Variants in MDFIC2 observed in about 807,000 individuals in gnomAD.
MDFIC2 encodes the protein myoD family inhibitor domain-containing protein 2.
chr3:70,219,076 ACCAAATAGTCATTATAGTCAAGGCTTT>A (rs1431833338), intron 2 of MDFIC2, among the ~76,000 whole-genome samples: 4 of 152,212 alleles, frequency 2.6e-5, no homozygotes, highest in African/African-American at 9.6e-5. Flanking sequence ...ATTTCTAAAC[ACCAAATAGTCATTATAGTCAAGGCTTT>A]CAAGTTTAAG....
intron 2 of MDFIC2, among the ~76,000 whole-genome samples, chr3:70,275,528 CA>C (rs905497542): frequency 1.3e-5 from 2 of 151,970 alleles, no homozygotes; most frequent in African/African-American, 4.8e-5. Flanking sequence ...AAAAATAAAA[CA>C]AAACAAATCA....
chr3:70,306,943 G>T (rs944627869), intron 2 of MDFIC2, among the ~76,000 whole-genome samples: 1 of 151,834 alleles, frequency 6.6e-6, no homozygotes, highest in Non-Finnish European at 1.5e-5. Context: ...CTTTGACTTT[G>T]CTCATACAAA....
chr3:70,293,702 T>A (rs1282832899), intron 2 of MDFIC2, among the ~76,000 whole-genome samples: 2 of 152,092 alleles, frequency 1.3e-5, no homozygotes, highest in African/African-American at 4.8e-5. Context: ...TCTATTTCAC[T>A]AGAAGTAACA....
chr3:70,248,839 G>A (rs1194718622), intron 2 of MDFIC2, among the ~76,000 whole-genome samples: 1 of 152,036 alleles, frequency 6.6e-6, no homozygotes, highest in Non-Finnish European at 1.5e-5. Flanking sequence ...TGCCAGTGGT[G>A]GCCTACATGA....
intron 2 of MDFIC2, among the ~76,000 whole-genome samples, chr3:70,241,152 A>G (rs1214997706): frequency 3.3e-5 from 5 of 152,148 alleles, no homozygotes; most frequent in Admixed American, 1.3e-4. Context: ...TAAATTTATC[A>G]GTTCCTGGGA....
At chr3:70,224,939 C>G (rs1701489854) in intron 2 of MDFIC2, among the ~76,000 whole-genome samples, 1 of 152,058 alleles carries the variant, frequency 6.6e-6, no homozygotes, top group South Asian at 2.1e-4. Flanking sequence ...GAAACAGATT[C>G]ATTAGTTTTG....
In MDFIC2 at chr3:70,299,360, G is replaced by A. The variant is rs563147376; in HGVS notation, c.88+12526C>T. 2.0e-5 allele frequency among the ~76,000 whole-genome samples: 3 copies of A among 151,816 alleles called. 1 individual carries two copies. In the South Asian group the frequency reaches 6.2e-4, roughly 32 times the overall value. On this transcript the variant is annotated intron_variant, in intron 2 of 3. Transcript: ENST00000567252. Reference sequence around the variant, plus strand: ...CACACAAATATAAAGCATATAAGATGTACAGTGGCTATCTATGCATGTGGG... The same window carrying A: ...CACACAAATATAAAGCATATAAGATATACAGTGGCTATCTATGCATGTGGG...
intron 2 of MDFIC2, among the ~76,000 whole-genome samples, chr3:70,220,223 G>A (rs1362315489): frequency 1.3e-5 from 2 of 151,974 alleles, no homozygotes; most frequent in Admixed American, 6.6e-5. Context: ...TTCTGTGTGA[G>A]AGTACAATAG....
chr3:70,234,929 G>A (rs1053843529), intron 2 of MDFIC2, among the ~76,000 whole-genome samples: 2 of 152,172 alleles, frequency 1.3e-5, no homozygotes, highest in East Asian at 1.9e-4. Context: ...GAAACCTCAC[G>A]GTTTCCTGAT....
Position 70,257,550 on chromosome 3 carries a change from T to TA in MDFIC2, c.89-50761dup, listed in dbSNP as rs1435174495. On this transcript the variant is annotated intron_variant, in intron 2 of 3. Transcript: ENST00000567252. Reference sequence around the variant, plus strand: ...AACTGGAAAATCAATTAGAGGAAGATACGCTTTGCAATGCCATCAAAACCC... The same window carrying TA: ...AACTGGAAAATCAATTAGAGGAAGATAACGCTTTGCAATGCCATCAAAACCC... Among the ~76,000 whole-genome samples the TA allele has an allele frequency of 2.0e-5, 3 of 151,944 alleles. No individual in the cohort carries two copies. The East Asian group carries it at 5.8e-4, about 29-fold the overall frequency.
intron 2 of MDFIC2, among the ~76,000 whole-genome samples, chr3:70,304,465 C>A (rs988409038): frequency 3.9e-5 from 6 of 152,156 alleles, no homozygotes; most frequent in Admixed American, 1.3e-4. Flanking sequence ...CTACCCAGAT[C>A]TTTGGCTCCT....
At chr3:70,223,908 A>C (rs2106738816) in intron 2 of MDFIC2, among the ~76,000 whole-genome samples, 1 of 151,442 alleles carries the variant, frequency 6.6e-6, no homozygotes, top group East Asian at 2.0e-4. Flanking sequence ...CATCAATCTA[A>C]CTTTTGTACT....
At chr3:70,205,843 T>C (rs1701285554) in intron 3 of MDFIC2, 1 of 152,134 alleles carries the variant, frequency 6.6e-6, no homozygotes, top group Non-Finnish European at 1.5e-5. Flanking sequence ...CTAATGTAGA[T>C]ACTGAACACT....
In MDFIC2 at chr3:70,207,612, A is replaced by T. The variant is rs537074786; in HGVS notation, c.89-822T>A. On this transcript the variant is annotated intron_variant, in intron 2 of 3. Transcript: ENST00000567252. ...AATACAACAAATCCTAGATACACAGATTGAAAATATTCAGAAAAAGCTCCC... is the reference window on the plus strand; with the variant it reads ...AATACAACAAATCCTAGATACACAGTTTGAAAATATTCAGAAAAAGCTCCC... 3.9e-5 allele frequency among the ~76,000 whole-genome samples: 6 copies of T among 151,934 alleles called. No homozygotes were observed. The East Asian group carries it at 1.2e-3, about 29-fold the overall frequency.
intron 2 of MDFIC2, among the ~76,000 whole-genome samples, chr3:70,292,598 A>G (rs1361921306): frequency 2.0e-5 from 3 of 152,082 alleles, no homozygotes; most frequent in South Asian, 2.1e-4. Flanking sequence ...TTTTTTATCT[A>G]TCTTGCTTTT....
At chr3:70,300,911 TA>T (rs775284707) in intron 2 of MDFIC2, among the ~76,000 whole-genome samples, 8 of 151,982 alleles carry the variant, frequency 5.3e-5, no homozygotes, top group South Asian at 2.1e-4. Flanking sequence ...TTGCTGTTTT[TA>T]AAAAAAAGTC....
intron 2 of MDFIC2, among the ~76,000 whole-genome samples, chr3:70,257,950 A>G (rs1342634516): frequency 1.3e-5 from 2 of 152,230 alleles, no homozygotes; most frequent in African/African-American, 2.4e-5. Context: ...ATAAGACTCA[A>G]TGAAGAGTTC....
intron 2 of MDFIC2, among the ~76,000 whole-genome samples, chr3:70,208,176 C>G (rs943218948): frequency 1.3e-5 from 2 of 152,040 alleles, no homozygotes; most frequent in African/African-American, 4.8e-5. Flanking sequence ...AAGCAACAGT[C>G]CTCGTGGTTT....
chr3:70,254,563 C>T (rs906678078), intron 2 of MDFIC2, among the ~76,000 whole-genome samples: 1 of 152,052 alleles, frequency 6.6e-6, no homozygotes, highest in Non-Finnish European at 1.5e-5. Context: ...TCTATTTTCC[C>T]TAATGGTGAG....
Sources: gnomAD v4.1 joint callset for allele counts (sites outside exome capture counted in the v4.1 genomes callset) on GRCh38, gnomAD v4.1.1 for gene constraint, MANE v1.5 for transcripts, NCBI Gene and HGNC (gene_info 2026-07-23, HGNC 2026-07-21) for gene names.